ARNT2: variants seen among roughly 807,000 people sequenced by gnomAD.
The protein encoded by ARNT2 is aryl hydrocarbon receptor nuclear translocator 2.
Under a neutral mutation model 91.7 loss-of-function variants are expected in ARNT2, and 36 were observed. That is an observed-to-expected ratio of 0.39 (90% CI 0.30 to 0.52). ARNT2 has a LOEUF of 0.52. Ranked by LOEUF, ARNT2 falls within the 20% of genes least tolerant of loss-of-function variation. ARNT2 has a pLI of 0.72. For missense variants in ARNT2, 775 were observed against 939.3 expected (o/e 0.83, Z 2.29); for synonymous variants, 365 against 347.1 (o/e 1.05, Z -0.57).
intron 15 of ARNT2, among the ~76,000 whole-genome samples, chr15:80,577,589 G>T (rs920796163): frequency 5.3e-5 from 8 of 152,172 alleles, no homozygotes; most frequent in African/African-American, 1.9e-4. Flanking sequence ...GAGGGTATGT[G>T]GGCACTCACC....
chr15:80,518,881 G>C (rs969265266), intron 8 of ARNT2, among the ~76,000 whole-genome samples: 1 of 152,068 alleles, frequency 6.6e-6, no homozygotes, highest in Non-Finnish European at 1.5e-5. Flanking sequence ...GAATGCTCTG[G>C]ACATATTTCA....
At chr15:80,547,770 T>C (rs1898014000) in intron 8 of ARNT2, among the ~76,000 whole-genome samples, 3 of 152,226 alleles carry the variant, frequency 2.0e-5, no homozygotes, top group Non-Finnish European at 1.5e-5. Flanking sequence ...TCTGATGAGA[T>C]ACATGGTGGT....
chr15:80,586,976 G>C (rs1893184476), intron 17 of ARNT2, among the ~76,000 whole-genome samples: 1 of 152,146 alleles, frequency 6.6e-6, no homozygotes, highest in Non-Finnish European at 1.5e-5. Context: ...TGAAATGTTT[G>C]CAGACACCAT....
chr15:80,561,412 A>T (rs1393640317), intron 11 of ARNT2, among the ~76,000 whole-genome samples: 1 of 152,068 alleles, frequency 6.6e-6, no homozygotes, highest in Non-Finnish European at 1.5e-5. Context: ...CCAGTCATTT[A>T]TATCCCTTCT....
Position 80,563,111 on chromosome 15 carries a change from C to A in ARNT2, c.1188C>A (p.Val396=). The A allele has an allele frequency of 6.2e-7, 1 of 1,614,188 alleles. No individual in the cohort carries two copies. Among genetic ancestry groups the A allele is most frequent in the South Asian group, 1.1e-5 (1 of 91,076 alleles). Residue 396 remains valine, a synonymous_variant, in exon 12 of 19, where the codon GTC becomes GTA. Transcript: ENST00000303329. ...FQQVVKLKGQ[V]LSVMYRFRTK... ...AGGTGGTTAAGCTGAAAGGCCAAGT[C>A]CTGTCGGTCATGTATCGATTTCGCA... is the stretch of plus-strand genomic sequence containing the variant.
chr15:80,573,014 C>A (rs975057596), intron 12 of ARNT2, among the ~76,000 whole-genome samples: 2 of 152,204 alleles, frequency 1.3e-5, no homozygotes, highest in African/African-American at 4.8e-5. Context: ...AATTTCCTTA[C>A]TACAGCTCAG....
At position 80,404,492 on chromosome 15, in the gene ARNT2, G is replaced by A; in HGVS notation, c.-24G>A. On this transcript the variant is annotated 5_prime_UTR_variant, in exon 1 of 19. Coordinates refer to ENST00000303329, the MANE Select transcript of ARNT2 (RefSeq NM_014862.4). The surrounding 1 kb of genome is among the most constrained non-coding windows in gnomAD (Gnocchi z 5.5). ...CGCCCCTCCCGCGCCCCTGCCAAGCGGGCGCCTATCCTCTCCGAGCAAGAT... is the reference window on the plus strand; with the variant it reads ...CGCCCCTCCCGCGCCCCTGCCAAGCAGGCGCCTATCCTCTCCGAGCAAGAT... 8.1e-7 allele frequency: 1 copy of A among 1,233,444 alleles called. No homozygotes were observed. The highest frequency in any genetic ancestry group is 1.6e-5 in the African/African-American group (1 of 62,082). The allele number at this position is 1,233,444 out of a possible 1,614,324, so 76.4% of individuals were successfully genotyped here.
At chr15:80,406,382 C>T (rs1424936520) in intron 1 of ARNT2, among the ~76,000 whole-genome samples, 3 of 152,112 alleles carry the variant, frequency 2.0e-5, no homozygotes, top group Non-Finnish European at 4.4e-5. Flanking sequence ...CAATTTCAAC[C>T]CATTCAACTA....
chr15:80,564,168 T>C (rs1035570968), intron 12 of ARNT2, among the ~76,000 whole-genome samples: 9 of 152,126 alleles, frequency 5.9e-5, no homozygotes, highest in African/African-American at 1.9e-4. Context: ...TCGTAGTCAG[T>C]GGCACCAGCA....
chr15:80,425,147 T>G (rs1895915296), intron 1 of ARNT2, among the ~76,000 whole-genome samples: 1 of 152,234 alleles, frequency 6.6e-6, no homozygotes, highest in Non-Finnish European at 1.5e-5. Context: ...ACAGTAGCCT[T>G]GTTTCTGTCA....
chr15:80,477,777 G>T (rs1473412288), intron 5 of ARNT2, among the ~76,000 whole-genome samples: 1 of 152,194 alleles, frequency 6.6e-6, no homozygotes, highest in East Asian at 1.9e-4. Context: ...TGGGGATTAA[G>T]ACTTTAACAT....
chr15:80,515,912 C>G (rs1386983213), intron 8 of ARNT2, among the ~76,000 whole-genome samples: 1 of 150,216 alleles, frequency 6.7e-6, no homozygotes, highest in Non-Finnish European at 1.5e-5. Flanking sequence ...ACTCATTACC[C>G]AGGCTGGAGT....
At chr15:80,432,210 G>A (rs4778791) in intron 1 of ARNT2, among the ~76,000 whole-genome samples, 59,390 of 152,110 alleles carry the variant, frequency 0.39, 12,559 homozygotes, top group Admixed American at 0.51. Context: ...CTTCACCTGC[G>A]TCTCTGGGGC....
Position 80,576,850 on chromosome 15 carries a change from G to A in ARNT2, c.1514-16G>A, listed in dbSNP as rs1898685920. 1 of 1,613,700 alleles carries A rather than the reference G, an allele frequency of 6.2e-7. No individual in the cohort carries two copies. The highest frequency in any genetic ancestry group is 1.1e-5 in the South Asian group (1 of 91,088). ...CAGGGAACCTTCGCATGTGACTCCT[G>A]CTCTGGTTTTCCTAGCGGAGAAGAA... On this transcript the variant is annotated splice_polypyrimidine_tract_variant and intron_variant, in intron 14 of 18. Transcript: ENST00000303329.
At chr15:80,444,341 G>A (rs79968897) in intron 1 of ARNT2, 6,438 of 149,346 alleles carry the variant, frequency 0.043, 180 homozygotes, top group South Asian at 0.096. Context: ...GGTGTGTGTG[G>A]TTTGTGTGTA....
intron 8 of ARNT2, among the ~76,000 whole-genome samples, chr15:80,516,988 C>T (rs1897446453): frequency 6.6e-6 from 1 of 151,014 alleles, no homozygotes; most frequent in African/African-American, 2.4e-5. Context: ...CTATCATCAC[C>T]CAATACATTG....
rs769715442 is a variant in ARNT2, at chr15:80,555,181, G to T, written c.1164+42G>T. 1.9e-6 allele frequency: 3 copies of T among 1,597,306 alleles called. No homozygotes were observed. In the South Asian group the frequency reaches 3.3e-5, roughly 18 times the overall value. On this transcript the variant is annotated intron_variant, in intron 11 of 18. Coordinates refer to ENST00000303329, the MANE Select transcript of ARNT2 (RefSeq NM_014862.4). Reference sequence around the variant, plus strand: ...CCCACTTAAAGCTGATGCATAGTCTGGGCACCTGTGGATGTGGCTGGCAGG... The same window carrying T: ...CCCACTTAAAGCTGATGCATAGTCTTGGCACCTGTGGATGTGGCTGGCAGG...
At chr15:80,405,504 G>A (rs1399957931) in intron 1 of ARNT2, among the ~76,000 whole-genome samples, 2 of 152,106 alleles carry the variant, frequency 1.3e-5, no homozygotes, top group Admixed American at 6.6e-5. Flanking sequence ...GTCGGGGGAG[G>A]AACAGCAATG....
intron 8 of ARNT2, among the ~76,000 whole-genome samples, chr15:80,535,512 T>G (rs889280769): frequency 6.6e-6 from 1 of 152,236 alleles, no homozygotes; most frequent in African/African-American, 2.4e-5. Context: ...TTGAGCATCT[T>G]CCCTGGATAT....
Sources: gnomAD v4.1 joint callset for allele counts (sites outside exome capture counted in the v4.1 genomes callset) on GRCh38, gnomAD v4.1.1 for gene constraint, Gnocchi (gnomAD v3.1) non-coding constraint, MANE v1.5 for transcripts, NCBI Gene and HGNC (gene_info 2026-07-23, HGNC 2026-07-21) for gene names.